Variants in SLC36A1 observed in about 807,000 individuals in gnomAD.
SLC36A1 encodes solute carrier family 36 member 1.
In SLC36A1, 30 loss-of-function variants were observed where a neutral mutation model predicts 47.5. The observed-to-expected ratio is 0.63, with a 90% CI of 0.47 to 0.86. SLC36A1 has a LOEUF of 0.86. Among genes scored for constraint, SLC36A1 ranks in the 40% least tolerant of loss-of-function variants. The pLI is 0.00. For synonymous variants in SLC36A1, 255 were observed against 249.7 expected, an observed-to-expected ratio of 1.02 and a Z score of -0.20; for missense variants, 517 against 606.0, an observed-to-expected ratio of 0.85 and a Z score of 1.54.
the SLC36A1 span, among the ~76,000 whole-genome samples, chr5:151,415,014 G>A: frequency 7.1e-3 from 1,080 of 152,176 alleles, 8 homozygotes; most frequent in South Asian, 0.016. Context: ...TTTGCGTCAA[G>A]GTATGGAGTC....
At chr5:151,502,733 G>T in the SLC36A1 span, among the ~76,000 whole-genome samples, 3 of 148,306 alleles carry the variant, frequency 2.0e-5, no homozygotes, top group East Asian at 5.8e-4. Flanking sequence ...CACTCTGGAA[G>T]ACTGTTTGCC....
the SLC36A1 span, among the ~76,000 whole-genome samples, chr5:151,384,828 A>G: frequency 6.6e-6 from 1 of 152,138 alleles, no homozygotes; most frequent in Non-Finnish European, 1.5e-5. Context: ...AAGCCATTCC[A>G]CGCTCACCAT....
chr5:151,353,940 CCA>C, the SLC36A1 span, among the ~76,000 whole-genome samples: 1 of 152,120 alleles, frequency 6.6e-6, no homozygotes, highest in Non-Finnish European at 1.5e-5. Flanking sequence ...TTTGAATTTA[CCA>C]CAGTTTATTT....
At chr5:151,458,533 A>C (rs1164128464) in intron 1 of SLC36A1, among the ~76,000 whole-genome samples, 1 of 152,042 alleles carries the variant, frequency 6.6e-6, no homozygotes, top group Non-Finnish European at 1.5e-5. Context: ...CCGGAAAATT[A>C]AGAAATTTAT....
chr5:151,554,739 A>C, the SLC36A1 span: 1 of 1,229,414 alleles, frequency 8.1e-7, no homozygotes, highest in African/African-American at 1.6e-5. Flanking sequence ...TGCTTTAACA[A>C]CCTGGAAATA....
the SLC36A1 span, among the ~76,000 whole-genome samples, chr5:151,519,882 C>G: frequency 6.6e-6 from 1 of 152,202 alleles, no homozygotes; most frequent in South Asian, 2.1e-4. Context: ...TCACTCAGAA[C>G]CTTCTAAATT....
chr5:151,454,774 G>A (rs544875839), intron 1 of SLC36A1, among the ~76,000 whole-genome samples: 9 of 147,484 alleles, frequency 6.1e-5, no homozygotes, highest in African/African-American at 1.8e-4. Context: ...GTGCAGTGGC[G>A]CGATCTCGGC....
chr5:151,554,738 A>AGCCCT, the SLC36A1 span: 3 of 1,253,792 alleles, frequency 2.4e-6, no homozygotes, highest in African/African-American at 3.0e-5. Flanking sequence ...ATGCTTTAAC[A>AGCCCT]ACCTGGAAAT....
intron 1 of SLC36A1, among the ~76,000 whole-genome samples, chr5:151,452,672 C>T (rs770261390): frequency 1.3e-5 from 2 of 152,048 alleles, no homozygotes; most frequent in African/African-American, 4.8e-5. Flanking sequence ...AGTTTGAGAC[C>T]AGCCTGGCCA....
At chr5:151,553,914 G>T in the SLC36A1 span, among the ~76,000 whole-genome samples, 5 of 152,222 alleles carry the variant, frequency 3.3e-5, no homozygotes, top group African/African-American at 1.2e-4. Flanking sequence ...CTAGCAATGA[G>T]ACTGGGGTTG....
At chr5:151,507,613 T>C in the SLC36A1 span, 1 of 1,508,830 alleles carries the variant, frequency 6.6e-7, no homozygotes, top group Non-Finnish European at 8.8e-7. Context: ...ATTTCACACC[T>C]GCGGAGACAG....
intron 1 of SLC36A1, 124 bp downstream of exon 1, chr5:151,447,937 G>A (rs2127446153): frequency 6.6e-6 from 1 of 152,346 alleles, no homozygotes; most frequent in South Asian, 2.1e-4. Flanking sequence ...CTTGTCCCTC[G>A]CGCTATCTCC....
chr5:151,466,766 C>T (rs368289590), intron 5 of SLC36A1, among the ~76,000 whole-genome samples: 4 of 152,268 alleles, frequency 2.6e-5, no homozygotes, highest in African/African-American at 9.6e-5. Context: ...TGCTAAGGGG[C>T]TGGGCAGTGG....
intron 9 of SLC36A1, among the ~76,000 whole-genome samples, chr5:151,477,876 A>G (rs1242288273): frequency 1.3e-5 from 2 of 152,156 alleles, no homozygotes; most frequent in Admixed American, 6.6e-5. Flanking sequence ...GCCATAGAGG[A>G]GAATCTGTCT....
chr5:151,537,928 C>T, the SLC36A1 span: 2 of 1,614,002 alleles, frequency 1.2e-6, no homozygotes, highest in South Asian at 2.2e-5. Flanking sequence ...TCTTCATGAA[C>T]CTTGCCAGTA....
At chr5:151,372,795 T>C in the SLC36A1 span, among the ~76,000 whole-genome samples, 1 of 152,234 alleles carries the variant, frequency 6.6e-6, no homozygotes, top group South Asian at 2.1e-4. Context: ...GGAAATAATC[T>C]GTGAACTTGA....
the SLC36A1 span, among the ~76,000 whole-genome samples, chr5:151,383,440 A>T: frequency 6.6e-6 from 1 of 151,886 alleles, no homozygotes; most frequent in South Asian, 2.1e-4. Flanking sequence ...GATGAGTACT[A>T]CTCTAGGATT....
chr5:151,457,995 T>C (rs1333653390), intron 1 of SLC36A1, among the ~76,000 whole-genome samples: 2 of 151,938 alleles, frequency 1.3e-5, no homozygotes, highest in East Asian at 3.9e-4. Flanking sequence ...ATTACAGGCA[T>C]GCACCACCAC....
At chr5:151,376,908 C>T in the SLC36A1 span, among the ~76,000 whole-genome samples, 8 of 152,346 alleles carry the variant, frequency 5.3e-5, no homozygotes, top group African/African-American at 1.9e-4. Flanking sequence ...GCTGGGATTA[C>T]AGGCATGAGC....
Sources: allele counts gnomAD v4.1 joint callset (sites outside exome capture counted in the v4.1 genomes callset), GRCh38; gene constraint gnomAD v4.1.1; transcripts MANE v1.5; gene names NCBI Gene and HGNC (gene_info 2026-07-23, HGNC 2026-07-21).